The following IMPG1 variants were observed in gnomAD, a reference collection of about 807,000 sequenced individuals.
IMPG1 encodes interphotoreceptor matrix proteoglycan 1, also known as interphotoreceptor matrix proteoglycan of 150 kDa.
A neutral mutation model predicts 92.0 loss-of-function variants in IMPG1; 85 were observed. The observed-to-expected ratio is 0.92, with a 90% confidence interval of 0.78 to 1.11. The LOEUF (loss-of-function observed/expected upper bound fraction) is 1.11, where lower values mean the gene tolerates loss of function less well. Among genes scored for constraint, IMPG1 ranks in the 50% least tolerant of loss-of-function variants. IMPG1 has a pLI of 0.00. For missense variants in IMPG1, 1,022 were observed against 956.0 expected, an observed-to-expected ratio of 1.07 and a Z score of -0.91; for synonymous variants, 367 against 334.1, an observed-to-expected ratio of 1.10 and a Z score of -1.08.
At chr6:75,957,264 G>A (rs1267517820) in intron 12 of IMPG1, among the ~76,000 whole-genome samples, 1 of 152,198 alleles carries the variant, frequency 6.6e-6, no homozygotes, top group African/African-American at 2.4e-5. Flanking sequence ...TTGCATTGTG[G>A]TCTGAGAGGC....
At chr6:76,045,660 T>A (rs993102986) in intron 1 of IMPG1, among the ~76,000 whole-genome samples, 1 of 152,080 alleles carries the variant, frequency 6.6e-6, no homozygotes, top group Non-Finnish European at 1.5e-5. Context: ...CAGGCCACAG[T>A]GACAAAGTCT....
chr6:76,072,537 C>G lies in IMPG1; in HGVS notation c.-49G>C. 9.6e-7 allele frequency: 1 copy of G among 1,041,022 alleles called. No homozygotes were observed. The highest frequency in any genetic ancestry group is 1.5e-6 in the Non-Finnish European group (1 of 688,490). The allele number at this position is 1,041,022 out of a possible 1,614,324, so 64.5% of individuals were successfully genotyped here. On this transcript the variant is annotated 5_prime_UTR_variant, in exon 1 of 17. Coordinates refer to ENST00000369950, the MANE Select transcript of IMPG1 (RefSeq NM_001563.4). ...TCTGATAACAATCACAGAACAACCT[C>G]AAATCTCATTAAAAAGTAACAGAAA... is the stretch of plus-strand genomic sequence containing the variant.
Position 75,951,125 on chromosome 6 carries a change from A to G in IMPG1, c.1292-31T>C, listed in dbSNP as rs758701733. On this transcript the variant is annotated intron_variant, in intron 12 of 16. Coordinates refer to ENST00000369950, the MANE Select transcript of IMPG1 (RefSeq NM_001563.4). The stretch of plus-strand genomic sequence containing the variant: ...GAGGAAGTACAATTTCATTATGTCC[A>G]AGTATTCCCCAAAGAATAGAAAGTG... 7 of 1,500,156 alleles carry G rather than the reference A, an allele frequency of 4.7e-6. No individual in the cohort carries two copies. The South Asian group carries it at 8.9e-5, about 19-fold the overall frequency. The allele number at this position is 1,500,156 out of a possible 1,614,324, so 92.9% of individuals were successfully genotyped here.
chr6:76,033,797 A>T (rs934283307), intron 4 of IMPG1, among the ~76,000 whole-genome samples: 1 of 152,324 alleles, frequency 6.6e-6, no homozygotes, highest in South Asian at 2.1e-4. Context: ...AATCTAATGA[A>T]GTTTTCCTTT....
chr6:75,987,333 C>A (rs1782733783), intron 12 of IMPG1, among the ~76,000 whole-genome samples: 1 of 145,502 alleles, frequency 6.9e-6, no homozygotes, highest in Non-Finnish European at 1.5e-5. Flanking sequence ...ACTTTAAGTT[C>A]TAGGGTACAT....
intron 2 of IMPG1, among the ~76,000 whole-genome samples, chr6:76,039,324 G>A (rs552180948): frequency 2.0e-5 from 3 of 151,664 alleles, no homozygotes; most frequent in Admixed American, 2.0e-4. Flanking sequence ...CCTTCTCTAA[G>A]GCACACTTAA....
At chr6:75,960,343 T>G (rs1370525417) in intron 12 of IMPG1, among the ~76,000 whole-genome samples, 12 of 152,142 alleles carry the variant, frequency 7.9e-5, no homozygotes, top group Admixed American at 7.9e-4. Flanking sequence ...AAAAAAGATG[T>G]TTTTTGTGAC....
intron 12 of IMPG1, among the ~76,000 whole-genome samples, chr6:75,997,646 A>G (rs1432040162): frequency 6.6e-6 from 1 of 152,206 alleles, no homozygotes; most frequent in Non-Finnish European, 1.5e-5. Flanking sequence ...GGGAGGGCAC[A>G]TATCCTCCAG....
At position 76,025,260 on chromosome 6, in the gene IMPG1, T is replaced by C. The variant is rs763949265; in HGVS notation, c.498-2A>G. On this transcript the variant is annotated splice_acceptor_variant, in intron 4 of 16. Coordinates refer to ENST00000369950, the MANE Select transcript of IMPG1 (RefSeq NM_001563.4). LOFTEE classifies it high-confidence loss of function. ...TTCTCTGCAGATATTTCATCTTTTCTATTAGTACAATAGAAAAGAAGGAAG... is the reference window on the plus strand; with the variant it reads ...TTCTCTGCAGATATTTCATCTTTTCCATTAGTACAATAGAAAAGAAGGAAG... 1.5e-5 allele frequency: 23 copies of C among 1,559,582 alleles called. No individual in the cohort carries two copies. The Admixed American group carries it at 3.9e-4, about 26-fold the overall frequency.
intron 1 of IMPG1, among the ~76,000 whole-genome samples, chr6:76,042,685 A>G (rs1783866695): frequency 6.6e-6 from 1 of 152,154 alleles, no homozygotes; most frequent in African/African-American, 2.4e-5. Flanking sequence ...TTGCATTTAT[A>G]GTACAAGCTT....
At chr6:75,929,663 A>G (rs1011491816) in intron 15 of IMPG1, among the ~76,000 whole-genome samples, 2 of 151,750 alleles carry the variant, frequency 1.3e-5, no homozygotes, top group Non-Finnish European at 2.9e-5. Flanking sequence ...ACAAACCTGC[A>G]TGTTGTGCAC....
intron 13 of IMPG1, among the ~76,000 whole-genome samples, chr6:75,949,716 T>C (rs1781991593): frequency 6.6e-6 from 1 of 152,116 alleles, no homozygotes; most frequent in Non-Finnish European, 1.5e-5. Context: ...TCCCAATATC[T>C]ACTCACCTCA....
At chr6:76,058,543 A>C (rs1351908947) in intron 1 of IMPG1, among the ~76,000 whole-genome samples, 1 of 152,152 alleles carries the variant, frequency 6.6e-6, no homozygotes, top group Non-Finnish European at 1.5e-5. Flanking sequence ...ACAATTTGCC[A>C]ACGTAACAAA....
intron 15 of IMPG1, among the ~76,000 whole-genome samples, chr6:75,925,191 T>C (rs977023568): frequency 5.9e-5 from 9 of 152,170 alleles, no homozygotes; most frequent in African/African-American, 2.2e-4. Flanking sequence ...CATTGCACAA[T>C]GTATACATGT....
intron 1 of IMPG1, among the ~76,000 whole-genome samples, chr6:76,057,716 G>GT (rs1784143452): frequency 6.6e-6 from 1 of 151,890 alleles, no homozygotes; most frequent in Non-Finnish European, 1.5e-5. Flanking sequence ...TAGGTGGGGG[G>GT]GTGGCTAAAA....
At chr6:75,961,568 A>T (rs941619380) in intron 12 of IMPG1, among the ~76,000 whole-genome samples, 6 of 152,202 alleles carry the variant, frequency 3.9e-5, no homozygotes, top group Non-Finnish European at 8.8e-5. Context: ...GGAAAAATAC[A>T]TGGTACGCCA....
chr6:75,976,243 GT>G (rs1230967538), intron 12 of IMPG1, among the ~76,000 whole-genome samples: 1 of 152,228 alleles, frequency 6.6e-6, no homozygotes. Flanking sequence ...ATGGAATTCA[GT>G]TGAGGTATTT....
intron 12 of IMPG1, among the ~76,000 whole-genome samples, chr6:75,969,098 A>G (rs573906147): frequency 6.6e-6 from 1 of 152,322 alleles, no homozygotes; most frequent in African/African-American, 2.4e-5. Context: ...TGGAATCTAC[A>G]AAAGTCAAAC....
chr6:75,930,787 G>A (rs1781652477), intron 15 of IMPG1, among the ~76,000 whole-genome samples, 166 bp downstream of exon 15: 1 of 152,196 alleles, frequency 6.6e-6, no homozygotes, highest in African/African-American at 2.4e-5. Context: ...GCATAGTAGG[G>A]TGCAGCCATG....
Sources: allele counts gnomAD v4.1 joint callset (sites outside exome capture counted in the v4.1 genomes callset), GRCh38; gene constraint gnomAD v4.1.1; transcripts MANE v1.5; gene names NCBI Gene and HGNC (gene_info 2026-07-23, HGNC 2026-07-21).